The following ANKRD12 variants were observed in gnomAD, a reference collection of about 807,000 sequenced individuals.
ANKRD12 encodes ankyrin repeat domain-containing protein 12.
A neutral mutation model predicts 183.4 loss-of-function variants in ANKRD12; 85 were observed. The observed-to-expected ratio is 0.46, with a 90% CI of 0.39 to 0.56. ANKRD12 has a LOEUF of 0.56. Among genes scored for constraint, ANKRD12 ranks in the 20% least tolerant of loss-of-function variants. ANKRD12 has a pLI of 0.00. For synonymous variants in ANKRD12, 914 were observed against 800.2 expected, an observed-to-expected ratio of 1.14 and a Z score of -2.40; for missense variants, 2,405 against 2,357.1, an observed-to-expected ratio of 1.02 and a Z score of -0.42.
intron 2 of ANKRD12, among the ~76,000 whole-genome samples, chr18:9,185,626 G>C (rs563285083): frequency 6.6e-6 from 1 of 152,122 alleles, no homozygotes; most frequent in African/African-American, 2.4e-5. Flanking sequence ...AAATATATGA[G>C]GATATGTAGA....
chr18:9,168,227 G>T (rs925591373), intron 1 of ANKRD12, among the ~76,000 whole-genome samples: 2 of 152,144 alleles, frequency 1.3e-5, no homozygotes, highest in African/African-American at 4.8e-5. Flanking sequence ...GATGATGCTG[G>T]CCTCATAAAA....
In ANKRD12 at chr18:9,254,287, C is replaced by T. The variant is rs766836491; in HGVS notation, c.1020C>T (p.Leu340=). ...ACTCTGAAACAGAGAAAGACTCTCT[C>T]ATCTGTGAAAGTAAACAGATACTTC... ...NIDSETEKDS[L]ICESKQILPS... The change falls in exon 9 of 13, where the codon CTC becomes CTT. Residue 340 remains leucine (L), a synonymous_variant. Transcript: ENST00000262126. The T allele has an allele frequency of 1.2e-6, 2 of 1,612,034 alleles. No homozygotes were observed. Among genetic ancestry groups the T allele is most frequent in the Non-Finnish European group, 1.7e-6 (2 of 1,179,178 alleles).
At chr18:9,249,564 A>C (rs1409646460) in intron 8 of ANKRD12, 1 of 152,154 alleles carries the variant, frequency 6.6e-6, no homozygotes, top group Non-Finnish European at 1.5e-5. Context: ...TCCAATGCAA[A>C]TACACTCTCA....
In ANKRD12 at chr18:9,257,738, C is replaced by G. The variant is rs767532265; in HGVS notation, c.4471C>G (p.Pro1491Ala). The G allele has an allele frequency of 1.2e-5, 20 of 1,613,926 alleles. No individual in the cohort carries two copies. The highest frequency in any genetic ancestry group is 2.2e-5 in the East Asian group (1 of 44,892). ...GGCATCCTTTATGCCTCCACAGCAGCCTTGCTCTTTCCCCAGCCAATCACT... is the reference window on the plus strand; with the variant it reads ...GGCATCCTTTATGCCTCCACAGCAGGCTTGCTCTTTCCCCAGCCAATCACT... ...DPASFMPPQQ[P>A]CSFPSQSLSD... The change falls in exon 9 of 13, where the codon CCT becomes GCT. Residue 1491 changes from proline to alanine, a missense_variant. Transcript: ENST00000262126.
chr18:9,154,851 C>G (rs1326695845), intron 1 of ANKRD12, among the ~76,000 whole-genome samples: 1 of 152,174 alleles, frequency 6.6e-6, no homozygotes, highest in East Asian at 1.9e-4. Context: ...GAAAAGAGTT[C>G]TCTGTAGTCC....
chr18:9,144,315 T>C (rs564096087), intron 1 of ANKRD12, among the ~76,000 whole-genome samples: 6 of 152,368 alleles, frequency 3.9e-5, no homozygotes, highest in African/African-American at 1.4e-4. Context: ...TTAGTGATTA[T>C]TAATCTTCTA....
intron 7 of ANKRD12, among the ~76,000 whole-genome samples, chr18:9,218,990 T>C (rs572067611): frequency 6.6e-6 from 1 of 152,278 alleles, no homozygotes; most frequent in African/African-American, 2.4e-5. Flanking sequence ...ATACTAGCCT[T>C]ATTTCTAGTT....
At chr18:9,243,328 C>T (rs1454839855) in intron 8 of ANKRD12, among the ~76,000 whole-genome samples, 3 of 152,168 alleles carry the variant, frequency 2.0e-5, no homozygotes, top group African/African-American at 7.2e-5. Context: ...GAACCAGCCT[C>T]AGCTGAGATC....
intron 1 of ANKRD12, among the ~76,000 whole-genome samples, chr18:9,178,708 T>C (rs1039143636): frequency 6.6e-6 from 1 of 152,134 alleles, no homozygotes; most frequent in Non-Finnish European, 1.5e-5. Context: ...GAAATTTGAC[T>C]AGGATTGCCT....
At chr18:9,266,588 G>A (rs1290959866) in intron 10 of ANKRD12, among the ~76,000 whole-genome samples, 2 of 152,118 alleles carry the variant, frequency 1.3e-5, no homozygotes, top group African/African-American at 4.8e-5. Context: ...TCACTACCAG[G>A]CCTGCCCTAA....
In ANKRD12 at chr18:9,257,658, A is replaced by AT. The variant is rs1474608455; in HGVS notation, c.4397dup (p.Leu1466PhefsTer7). ...AATAAGGTATTGAAAGAAAATGCTG[A>AT]TTTTTTATCCCTGCGCCAGACTGAA... is the stretch of plus-strand genomic sequence containing the variant. On this transcript the variant is annotated frameshift_variant, in exon 9 of 13. Coordinates refer to ENST00000262126, the MANE Select transcript of ANKRD12 (RefSeq NM_015208.5). LOFTEE classifies it high-confidence loss of function. 3 of 1,613,864 alleles carry AT rather than the reference A, an allele frequency of 1.9e-6. No homozygotes were observed. The highest frequency in any genetic ancestry group is 2.5e-6 in the Non-Finnish European group (3 of 1,179,920).
chr18:9,246,372 AT>A (rs1365631934), intron 8 of ANKRD12, among the ~76,000 whole-genome samples: 2 of 152,210 alleles, frequency 1.3e-5, no homozygotes, highest in Non-Finnish European at 1.5e-5. Flanking sequence ...TACATGAAAT[AT>A]TAGATACAAG....
At chr18:9,140,959 T>A (rs149570725) in intron 1 of ANKRD12, among the ~76,000 whole-genome samples, 1 of 152,198 alleles carries the variant, frequency 6.6e-6, no homozygotes, top group Non-Finnish European at 1.5e-5. Context: ...TGAAGAGTTA[T>A]GTGATGGATA....
intron 3 of ANKRD12, among the ~76,000 whole-genome samples, chr18:9,203,763 C>T (rs1009123108): frequency 2.0e-5 from 3 of 152,100 alleles, no homozygotes; most frequent in Admixed American, 1.3e-4. Context: ...TGCCACCACA[C>T]CTGTCTAATT....
At chr18:9,173,619 G>T (rs542192152) in intron 1 of ANKRD12, among the ~76,000 whole-genome samples, 113 of 142,466 alleles carry the variant, frequency 7.9e-4, no homozygotes, top group Admixed American at 6.2e-3. Context: ...GGGGTGGTGG[G>T]GGGGGGGTAG....
intron 1 of ANKRD12, among the ~76,000 whole-genome samples, chr18:9,168,468 A>T (rs1026301227): frequency 2.3e-4 from 35 of 152,166 alleles, no homozygotes; most frequent in Admixed American, 6.5e-5. Flanking sequence ...GTGTCGAGGA[A>T]TTCATCCATT....
At chr18:9,197,318 C>T (rs182419182) in intron 3 of ANKRD12, among the ~76,000 whole-genome samples, 153 of 152,226 alleles carry the variant, frequency 1.0e-3, no homozygotes, top group Non-Finnish European at 1.9e-3. Flanking sequence ...GTTGGGATAT[C>T]GCAGCTCTCT....
intron 1 of ANKRD12, among the ~76,000 whole-genome samples, chr18:9,171,255 C>T (rs1005964804): frequency 3.3e-5 from 5 of 152,130 alleles, no homozygotes; most frequent in South Asian, 2.1e-4. Context: ...AGAAATCACC[C>T]GTCTTCTGCG....
intron 3 of ANKRD12, among the ~76,000 whole-genome samples, chr18:9,196,132 CACACACACACACACACACAT>C (rs1215338044): frequency 4.6e-5 from 7 of 150,794 alleles, no homozygotes; most frequent in African/African-American, 1.5e-4. Context: ...CACACACACA[CACACACACACACACACACAT>C]TGAGGCTAAC....
Sources: allele counts gnomAD v4.1 joint callset (sites outside exome capture counted in the v4.1 genomes callset), GRCh38; gene constraint gnomAD v4.1.1; transcripts MANE v1.5; gene names NCBI Gene and HGNC (gene_info 2026-07-23, HGNC 2026-07-21).